Variants in EYS observed in about 807,000 individuals in gnomAD.
The protein encoded by EYS is EGF-like photoreceptor maintenance factor, also known as protein eyes shut homolog.
A neutral mutation model predicts 282.1 loss-of-function variants in EYS; 250 were observed. The ratio of observed to expected loss-of-function variants is 0.89; its 90% CI spans 0.80 to 0.98. The LOEUF (loss-of-function observed/expected upper bound fraction) is 0.98, where lower values mean the gene tolerates loss of function less well. EYS is among the 50% of genes least tolerant of loss of function. The pLI is 0.00. For missense variants in EYS, 4,016 were observed against 3,709.0 expected (o/e 1.08, Z -2.15); for synonymous variants, 1,355 against 1,282.9 (o/e 1.06, Z -1.20).
At chr6:64,899,165 C>T (rs1052308370) in intron 18 of EYS, among the ~76,000 whole-genome samples, 2 of 152,166 alleles carry the variant, frequency 1.3e-5, no homozygotes, top group African/African-American at 4.8e-5. Context: ...TTCTTCTTAG[C>T]ACCACATAGC....
chr6:64,513,640 A>C (rs1466728167), intron 26 of EYS, among the ~76,000 whole-genome samples: 1 of 151,938 alleles, frequency 6.6e-6, no homozygotes. Flanking sequence ...TTAAATCATC[A>C]GGAACATTTG....
chr6:65,227,130 G>A (rs1389498902), intron 12 of EYS, among the ~76,000 whole-genome samples: 1 of 150,242 alleles, frequency 6.7e-6, no homozygotes, highest in Non-Finnish European at 1.5e-5. Flanking sequence ...CTACTCGGGA[G>A]GCTGAGGGGA....
rs138098543 is a variant in EYS at position 64,839,555 on chromosome 6, G to A, written c.2993-16733C>T. Among the ~76,000 whole-genome samples, 374 of 152,110 alleles carry A rather than the reference G, an allele frequency of 2.5e-3. 3 individuals are homozygous for A. Among genetic ancestry groups the A allele is most frequent in the African/African-American group, 8.3e-3 (346 of 41,526 alleles). The stretch of plus-strand genomic sequence containing the variant: ...TAATTTGTTTAAAAGTTTAGACTAG[G>A]AGGCAAGTTTTCCCTTTTTTTCTCC... On this transcript the variant is annotated intron_variant, in intron 19 of 42. Transcript: ENST00000503581.
intron 2 of EYS, among the ~76,000 whole-genome samples, chr6:65,627,572 CCAGCTGGAGTTCCGGGT>C (rs1259394236): frequency 3.9e-5 from 6 of 152,230 alleles, no homozygotes; most frequent in Admixed American, 1.3e-4. Context: ...CGCTTGCGGG[CCAGCTGGAGTTCCGGGT>C]CAGCTGGAGT....
At chr6:63,877,258 G>T (rs998829759) in intron 35 of EYS, among the ~76,000 whole-genome samples, 1 of 152,104 alleles carries the variant, frequency 6.6e-6, no homozygotes, top group African/African-American at 2.4e-5. Context: ...TGAAATTCTG[G>T]GTTGAACATT....
At chr6:64,195,276 C>G (rs548805968) in intron 31 of EYS, among the ~76,000 whole-genome samples, 2 of 152,236 alleles carry the variant, frequency 1.3e-5, no homozygotes, top group Non-Finnish European at 2.9e-5. Flanking sequence ...TTAAAAAATG[C>G]AATTCAATGG....
intron 29 of EYS, among the ~76,000 whole-genome samples, chr6:64,331,859 A>G (rs901755816): frequency 6.6e-6 from 1 of 152,222 alleles, no homozygotes; most frequent in South Asian, 2.1e-4. Flanking sequence ...GGCTACTGGT[A>G]CATGCTAGTG....
intron 30 of EYS, among the ~76,000 whole-genome samples, chr6:64,299,074 G>T (rs1769137422): frequency 6.6e-6 from 1 of 152,172 alleles, no homozygotes; most frequent in African/African-American, 2.4e-5. Flanking sequence ...GGAAGGTTTT[G>T]CAAAAGCCTA....
In EYS at chr6:65,438,089, G is replaced by A. The variant is rs147211186; in HGVS notation, c.863-32722C>T. Among the ~76,000 whole-genome samples the A allele has an allele frequency of 5.8e-3, 840 of 145,884 alleles. 10 individuals carry two copies. Among genetic ancestry groups the A allele is most frequent in the African/African-American group, 0.02 (792 of 39,368 alleles). On this transcript the variant is annotated intron_variant, in intron 5 of 42. Coordinates refer to ENST00000503581, the MANE Select transcript of EYS (RefSeq NM_001142800.2). ...TTCTTATTGTTCAATTCCCACCTAC[G>A]AGTGAGAACATGTAGTGTTTGGTTT...
chr6:64,810,948 T>C (rs1160143287), intron 22 of EYS, among the ~76,000 whole-genome samples: 2 of 152,092 alleles, frequency 1.3e-5, no homozygotes, highest in Non-Finnish European at 2.9e-5. Context: ...TCTTTTTGAT[T>C]AAATTTAGAG....
chr6:65,356,604 C>T (rs990032319), intron 8 of EYS, among the ~76,000 whole-genome samples: 3 of 152,000 alleles, frequency 2.0e-5, no homozygotes, highest in Non-Finnish European at 4.4e-5. Flanking sequence ...GGTGCCTGAA[C>T]AATTTATCTG....
chr6:64,004,415 C>G (rs1362982895), intron 33 of EYS, among the ~76,000 whole-genome samples: 1 of 151,762 alleles, frequency 6.6e-6, no homozygotes, highest in African/African-American at 2.4e-5. Flanking sequence ...TCAGTTTCCA[C>G]TCTTTAAATA....
At chr6:65,670,985 T>C (rs1267578595) in intron 1 of EYS, among the ~76,000 whole-genome samples, 3 of 151,962 alleles carry the variant, frequency 2.0e-5, no homozygotes, top group Non-Finnish European at 4.4e-5. Flanking sequence ...TTCAGAAATA[T>C]GTCTTTTCAA....
chr6:63,789,442 G>T (rs1006871142), intron 37 of EYS, among the ~76,000 whole-genome samples: 1 of 152,160 alleles, frequency 6.6e-6, no homozygotes, highest in South Asian at 2.1e-4. Context: ...AGCCATGAGG[G>T]TTCTGGTCAA....
intron 26 of EYS, among the ~76,000 whole-genome samples, chr6:64,448,868 TC>T (rs1775215484): frequency 6.6e-6 from 1 of 151,974 alleles, no homozygotes; most frequent in African/African-American, 2.4e-5. Context: ...GTCACCATCA[TC>T]AAAGACCAGA....
intron 11 of EYS, 191 bp downstream of exon 11, chr6:65,334,789 A>T: frequency 3.6e-6 from 2 of 557,080 alleles, no homozygotes; most frequent in Non-Finnish European, 6.3e-6. Context: ...TTGTGCTAGA[A>T]TTGTTATACA....
chr6:65,429,392 A>C (rs1767791461), intron 5 of EYS, among the ~76,000 whole-genome samples: 1 of 152,178 alleles, frequency 6.6e-6, no homozygotes, highest in East Asian at 1.9e-4. Flanking sequence ...AAAACAAAAC[A>C]AAACAGTGAG....
rs972068303 is a variant in EYS, at chr6:65,004,502, T to C, written c.2138-6799A>G. Among the ~76,000 whole-genome samples the C allele has an allele frequency of 2.7e-5, 4 of 147,704 alleles. 1 individual carries two copies. Among genetic ancestry groups the C allele is most frequent in the African/African-American group, 4.9e-5 (2 of 41,126 alleles). The stretch of plus-strand genomic sequence containing the variant: ...CAGGCAAGGGCTGGAACTGCACTCA[T>C]TGACATTGATCTCACAGCGTGGACC... On this transcript the variant is annotated intron_variant, in intron 13 of 42. Transcript: ENST00000503581.
In EYS at chr6:64,453,665, T is replaced by C. The variant is rs200539543; in HGVS notation, c.5645-14313A>G. ...AATGTGTCACATTTACACCATGGGA[T>C]ACTATGCAGCCATAAAAAATGATGA... On this transcript the variant is annotated intron_variant, in intron 26 of 42. Transcript: ENST00000503581. 7.9e-5 allele frequency among the ~76,000 whole-genome samples: 12 copies of C among 152,294 alleles called. No homozygotes were observed. In the East Asian group the frequency reaches 2.3e-3, roughly 29 times the overall value.
Sources: gnomAD v4.1 joint callset for allele counts (sites outside exome capture counted in the v4.1 genomes callset) on GRCh38, gnomAD v4.1.1 for gene constraint, MANE v1.5 for transcripts, NCBI Gene and HGNC (gene_info 2026-07-23, HGNC 2026-07-21) for gene names.